Variants in FTCDNL1 observed in about 807,000 individuals in gnomAD.
FTCDNL1 encodes the protein formiminotransferase N-terminal subdomain-containing protein.
A neutral mutation model predicts 5.9 loss-of-function variants in FTCDNL1; 11 were observed. The observed-to-expected ratio is 1.87, with a 90% CI of 1.18 to 3.10. The LOEUF is 3.10. Among genes scored for constraint, FTCDNL1 ranks in the 30% most tolerant of loss-of-function variants. The pLI is 0.00. For missense variants in FTCDNL1, 115 were observed against 65.5 expected (o/e 1.76, Z -2.61); for synonymous variants, 58 against 24.8 (o/e 2.34, Z -3.99).
intron 3 of FTCDNL1, chr2:199,844,488 C>G (rs1021662755): frequency 1.5e-6 from 1 of 663,894 alleles, no homozygotes; most frequent in South Asian, 1.6e-5. Flanking sequence ...ACTTCCATAT[C>G]GATAGCCTGG....
At chr2:199,759,795 A>G (rs761062769), downstream of FTCDNL1, among the ~76,000 whole-genome samples, 5 of 152,198 alleles carry the variant, frequency 3.3e-5, no homozygotes, top group Non-Finnish European at 7.3e-5. Flanking sequence ...TGTTTCTCAA[A>G]GTTTTCTAGG....
chr2:199,740,748 G>A, the FTCDNL1 span, among the ~76,000 whole-genome samples: 92 of 152,314 alleles, frequency 6.0e-4, 2 homozygotes, highest in Admixed American at 5.4e-3. Context: ...AGGTTGTTGA[G>A]GGGAGTCTGG....
At chr2:199,834,022 T>C (rs1366312947) in intron 3 of FTCDNL1, among the ~76,000 whole-genome samples, 3 of 152,208 alleles carry the variant, frequency 2.0e-5, no homozygotes, top group Non-Finnish European at 4.4e-5. Flanking sequence ...TATGTTGAAG[T>C]CCTGGCTCCC....
chr2:199,841,278 T>G (rs1446970590), intron 3 of FTCDNL1, among the ~76,000 whole-genome samples: 2 of 151,892 alleles, frequency 1.3e-5, no homozygotes, highest in East Asian at 3.9e-4. Context: ...TCCCAGCTAC[T>G]GGGAAGGCTG....
At chr2:199,705,869 A>G in the FTCDNL1 span, among the ~76,000 whole-genome samples, 1 of 152,210 alleles carries the variant, frequency 6.6e-6, no homozygotes. Context: ...GAGACTTCAT[A>G]TCTGTTGCAG....
chr2:199,803,610 G>A (rs545131974), intron 3 of FTCDNL1, among the ~76,000 whole-genome samples: 96 of 152,276 alleles, frequency 6.3e-4, no homozygotes, highest in African/African-American at 1.9e-3. Context: ...GACTACAAGC[G>A]TGTATCACCA....
chr2:199,762,198 G>A (rs924233597), intron 3 of FTCDNL1, among the ~76,000 whole-genome samples: 3 of 152,162 alleles, frequency 2.0e-5, no homozygotes, highest in African/African-American at 7.2e-5. Context: ...GCCCAATATA[G>A]TGAAACCCCA....
the FTCDNL1 span, among the ~76,000 whole-genome samples, chr2:199,690,493 G>A: frequency 6.6e-6 from 1 of 152,098 alleles, no homozygotes; most frequent in African/African-American, 2.4e-5. Context: ...CCCTCTCCTT[G>A]TAATGTCCTC....
the FTCDNL1 span, among the ~76,000 whole-genome samples, chr2:199,705,320 A>T: frequency 1.3e-5 from 2 of 152,172 alleles, no homozygotes; most frequent in African/African-American, 4.8e-5. Flanking sequence ...GAATTTGGTT[A>T]TGTTCAGTTT....
intron 3 of FTCDNL1, among the ~76,000 whole-genome samples, chr2:199,772,399 T>C (rs904820433): frequency 7.9e-5 from 12 of 152,224 alleles, no homozygotes; most frequent in African/African-American, 2.7e-4. Context: ...TTGTGACACG[T>C]TGGGCTTCCT....
the FTCDNL1 span, among the ~76,000 whole-genome samples, chr2:199,719,095 G>A: frequency 6.6e-6 from 1 of 151,984 alleles, no homozygotes; most frequent in African/African-American, 2.4e-5. Context: ...TGTCTTTGAA[G>A]ACTTAGTCAT....
At chr2:199,842,732 T>C (rs1274799528) in intron 3 of FTCDNL1, among the ~76,000 whole-genome samples, 1 of 152,184 alleles carries the variant, frequency 6.6e-6, no homozygotes, top group African/African-American at 2.4e-5. Context: ...ATACATAAAT[T>C]ACACATATCA....
intron 3 of FTCDNL1, among the ~76,000 whole-genome samples, chr2:199,793,056 A>G (rs1481252665): frequency 6.6e-6 from 1 of 152,156 alleles, no homozygotes; most frequent in East Asian, 1.9e-4. Context: ...AAGTGGTGAA[A>G]TGAGTCTCTC....
chr2:199,705,466 G>T, the FTCDNL1 span, among the ~76,000 whole-genome samples: 2 of 151,994 alleles, frequency 1.3e-5, no homozygotes, highest in Non-Finnish European at 2.9e-5. Context: ...TGCTGATTTT[G>T]TATACTGCAA....
chr2:199,825,518 T>C (rs1701976656), intron 3 of FTCDNL1, among the ~76,000 whole-genome samples: 1 of 152,222 alleles, frequency 6.6e-6, no homozygotes, highest in Non-Finnish European at 1.5e-5. Context: ...TGGGGCCTAA[T>C]GGGAGGAGTT....
chr2:199,764,072 C>A (rs914389045), intron 3 of FTCDNL1, among the ~76,000 whole-genome samples: 1 of 152,158 alleles, frequency 6.6e-6, no homozygotes, highest in African/African-American at 2.4e-5. Flanking sequence ...GAACTCCTGA[C>A]CTCAAGTGAT....
chr2:199,699,186 G>A, the FTCDNL1 span, among the ~76,000 whole-genome samples: 3 of 152,064 alleles, frequency 2.0e-5, no homozygotes, highest in East Asian at 1.9e-4. Flanking sequence ...GAAGAGCTGC[G>A]CCAGGTGTGG....
intron 3 of FTCDNL1, among the ~76,000 whole-genome samples, chr2:199,765,972 A>G (rs1490666773): frequency 6.6e-6 from 1 of 152,188 alleles, no homozygotes; most frequent in Admixed American, 6.5e-5. Context: ...ACAGGTCCAC[A>G]CACATAGGCA....
chr2:199,815,932 G>T (rs1358585328), intron 4 of FTCDNL1, among the ~76,000 whole-genome samples: 3 of 151,806 alleles, frequency 2.0e-5, no homozygotes, highest in African/African-American at 7.3e-5. Flanking sequence ...CCCAGGAGGC[G>T]GAAGTTGCAG....
Sources: gnomAD v4.1 joint callset for allele counts (sites outside exome capture counted in the v4.1 genomes callset) on GRCh38, gnomAD v4.1.1 for gene constraint, MANE v1.5 for transcripts, NCBI Gene and HGNC (gene_info 2026-07-23, HGNC 2026-07-21) for gene names.